Variants in RBFOX1 observed in about 807,000 individuals in gnomAD.
RBFOX1 encodes RNA binding fox-1 homolog 1.
In RBFOX1, 8 loss-of-function variants were observed where a neutral mutation model predicts 57.7. That is an observed-to-expected ratio of 0.14 (90% CI 0.08 to 0.25). The LOEUF is 0.25. Among genes scored for constraint, RBFOX1 ranks in the 10% least tolerant of loss-of-function variants. RBFOX1 has a pLI of 1.00. For synonymous variants in RBFOX1, 326 were observed against 222.4 expected, an observed-to-expected ratio of 1.47 and a Z score of -4.15; for missense variants, 611 against 548.5, an observed-to-expected ratio of 1.11 and a Z score of -1.14.
chr16:6,681,415 T>G (rs926603990), intron 3 of RBFOX1, among the ~76,000 whole-genome samples: 2 of 152,246 alleles, frequency 1.3e-5, no homozygotes, highest in Admixed American at 6.5e-5. Context: ...TTTTATCAAT[T>G]GGTAATATTT....
Position 6,350,141 on chromosome 16 carries a change from A to G in RBFOX1, c.-64+33084A>G, listed in dbSNP as rs1599924264. 1.3e-5 allele frequency among the ~76,000 whole-genome samples: 2 copies of G among 152,248 alleles called. 1 individual carries two copies. Among genetic ancestry groups the G allele is most frequent in the South Asian group, 4.1e-4 (2 of 4,824 alleles). ...TTGTGGCGTATAGACAAAAATTCAG[A>G]TGAAGAAATCGTAAAAAATACATGG... On this transcript the variant is annotated intron_variant, in intron 2 of 15. Transcript: ENST00000550418.
intron 2 of RBFOX1, among the ~76,000 whole-genome samples, chr16:6,602,066 C>T (rs1257888871): frequency 6.6e-6 from 1 of 152,118 alleles, no homozygotes; most frequent in African/African-American, 2.4e-5. Flanking sequence ...CTCTCCTTTC[C>T]CTCCATTATT....
chr16:6,647,161 G>A (rs574792400), intron 2 of RBFOX1, among the ~76,000 whole-genome samples: 4 of 152,186 alleles, frequency 2.6e-5, no homozygotes, highest in Admixed American at 2.0e-4. Flanking sequence ...GACATTCCTG[G>A]GCTTACGCTA....
chr16:5,383,378 C>T (rs1356394817), intron 1 of RBFOX1, among the ~76,000 whole-genome samples: 2 of 152,224 alleles, frequency 1.3e-5, no homozygotes, highest in Admixed American at 1.3e-4. Context: ...CTTGCCAAAA[C>T]TCATCTGGGT....
At chr16:5,790,589 G>A (rs575770456) in intron 3 of RBFOX1, among the ~76,000 whole-genome samples, 5 of 151,892 alleles carry the variant, frequency 3.3e-5, no homozygotes, top group African/African-American at 1.2e-4. Context: ...TGCTTACAGG[G>A]TTTGGGGTTT....
At chr16:5,342,265 C>G (rs2065048810) in intron 1 of RBFOX1, among the ~76,000 whole-genome samples, 1 of 152,136 alleles carries the variant, frequency 6.6e-6, no homozygotes, top group African/African-American at 2.4e-5. Flanking sequence ...TTTGAGGTGA[C>G]TGAGCAACCC....
At chr16:7,502,341 G>T (rs1600175409) in intron 4 of RBFOX1, among the ~76,000 whole-genome samples, 1 of 152,230 alleles carries the variant, frequency 6.6e-6, no homozygotes, top group East Asian at 1.9e-4. Context: ...TTACAACATT[G>T]TGGGAGGTCT....
intron 4 of RBFOX1, among the ~76,000 whole-genome samples, chr16:7,361,997 G>T (rs559150416): frequency 6.6e-6 from 1 of 151,584 alleles, no homozygotes; most frequent in Admixed American, 6.6e-5. Context: ...GTGTGTTAGT[G>T]TGTGTATGAT....
intron 2 of RBFOX1, among the ~76,000 whole-genome samples, chr16:5,476,567 C>T (rs2069331901): frequency 6.6e-6 from 1 of 152,356 alleles, no homozygotes; most frequent in Non-Finnish European, 1.5e-5. Context: ...ACAGGTTTAA[C>T]AGTGTCCATC....
At chr16:6,791,113 G>A (rs1358223064) in intron 3 of RBFOX1, among the ~76,000 whole-genome samples, 2 of 151,810 alleles carry the variant, frequency 1.3e-5, no homozygotes, top group African/African-American at 2.4e-5. Context: ...TGCCATCTTG[G>A]CTAGGCTGAT....
At chr16:6,942,671 G>A (rs868320955) in intron 3 of RBFOX1, among the ~76,000 whole-genome samples, 2 of 152,186 alleles carry the variant, frequency 1.3e-5, no homozygotes, top group South Asian at 4.1e-4. Flanking sequence ...ATAAGATGGT[G>A]TCTGACTTGG....
chr16:5,454,785 C>G (rs1321593969), intron 1 of RBFOX1, among the ~76,000 whole-genome samples: 1 of 135,756 alleles, frequency 7.4e-6, no homozygotes, highest in Non-Finnish European at 1.6e-5. Context: ...TTCTTTCTTT[C>G]TTTCTCTTTC....
At chr16:6,376,798 G>A (rs1486798838) in intron 2 of RBFOX1, among the ~76,000 whole-genome samples, 7 of 152,092 alleles carry the variant, frequency 4.6e-5, no homozygotes, top group Admixed American at 3.3e-4. Context: ...TATTAGCAGC[G>A]CCATGCATTC....
intron 14 of RBFOX1, among the ~76,000 whole-genome samples, chr16:7,700,295 C>T (rs563288240): frequency 7.2e-5 from 11 of 152,118 alleles, no homozygotes; most frequent in Admixed American, 4.6e-4. Flanking sequence ...GTAATCATAA[C>T]CCTCCTCTCA....
intron 4 of RBFOX1, among the ~76,000 whole-genome samples, chr16:7,199,776 C>G (rs989880985): frequency 6.6e-5 from 10 of 152,084 alleles, no homozygotes; most frequent in South Asian, 4.2e-4. Flanking sequence ...CACCTTTAAT[C>G]CCAGTTTGCT....
intron 1 of RBFOX1, among the ~76,000 whole-genome samples, chr16:5,375,678 G>T (rs1423588036): frequency 6.6e-6 from 1 of 152,232 alleles, no homozygotes; most frequent in African/African-American, 2.4e-5. Flanking sequence ...GCCAGGCACT[G>T]TGCCAGGGGT....
chr16:5,458,067 T>C (rs1036240643), intron 1 of RBFOX1, among the ~76,000 whole-genome samples: 2 of 152,214 alleles, frequency 1.3e-5, no homozygotes, highest in Non-Finnish European at 2.9e-5. Flanking sequence ...AAGAACAGAA[T>C]AGGAGATCAT....
intron 1 of RBFOX1, among the ~76,000 whole-genome samples, chr16:6,111,894 A>G (rs2152574573): frequency 6.6e-6 from 1 of 152,352 alleles, no homozygotes; most frequent in African/African-American, 2.4e-5. Flanking sequence ...ATTGATATAA[A>G]TAATCCATAT....
chr16:7,386,374 C>G (rs1437724040), intron 4 of RBFOX1, among the ~76,000 whole-genome samples: 1 of 150,658 alleles, frequency 6.6e-6, no homozygotes, highest in Non-Finnish European at 1.5e-5. Flanking sequence ...TAAAGCTATA[C>G]CCCCCAGCCC....
Sources: gnomAD v4.1 joint callset for allele counts (sites outside exome capture counted in the v4.1 genomes callset) on GRCh38, gnomAD v4.1.1 for gene constraint, MANE v1.5 for transcripts, NCBI Gene and HGNC (gene_info 2026-07-23, HGNC 2026-07-21) for gene names.